The following BTAF1 variants were observed in gnomAD, a reference collection of about 807,000 sequenced individuals.
The protein encoded by BTAF1 is B-TFIID TATA-box binding protein associated factor 1, also known as TATA-binding protein-associated factor 172.
A neutral mutation model predicts 227.1 loss-of-function variants in BTAF1; 38 were observed. The ratio of observed to expected loss-of-function variants is 0.17; its 90% confidence interval spans 0.13 to 0.22. The LOEUF (loss-of-function observed/expected upper bound fraction) is 0.22, where lower values mean the gene tolerates loss of function less well. Ranked by LOEUF, BTAF1 falls within the 10% of genes least tolerant of loss-of-function variation. The pLI is 1.00. For missense variants in BTAF1, 1,598 were observed against 2,204.0 expected (o/e 0.73, Z 5.51); for synonymous variants, 742 against 751.9 (o/e 0.99, Z 0.21).
intron 11 of BTAF1, among the ~76,000 whole-genome samples, chr10:91,961,529 A>G (rs1345566109): frequency 6.6e-6 from 1 of 150,976 alleles, no homozygotes; most frequent in Non-Finnish European, 1.5e-5. Context: ...TCTCTGTCCA[A>G]CTCTTTTCTC....
intron 25 of BTAF1, among the ~76,000 whole-genome samples, chr10:92,004,880 C>T (rs1234861696): frequency 1.3e-5 from 2 of 152,052 alleles, no homozygotes; most frequent in Non-Finnish European, 2.9e-5. Flanking sequence ...TTATAGTTTC[C>T]AGTCTTACAT....
At chr10:91,948,699 TAAA>T (rs11331302) in intron 4 of BTAF1, among the ~76,000 whole-genome samples, 2 of 142,864 alleles carry the variant, frequency 1.4e-5, no homozygotes, top group Non-Finnish European at 1.5e-5. Flanking sequence ...TCTTTTTTAT[TAAA>T]AAAAAAAAAA....
intron 1 of BTAF1, among the ~76,000 whole-genome samples, chr10:91,924,467 C>T (rs1326342077): frequency 6.6e-6 from 1 of 152,108 alleles, no homozygotes; most frequent in Non-Finnish European, 1.5e-5. Flanking sequence ...TAGTTACTGT[C>T]GATGGAGGGG....
intron 13 of BTAF1, 114 bp from the exon 14 acceptor site, chr10:91,966,523 A>G: frequency 9.5e-7 from 1 of 1,057,206 alleles, no homozygotes. Flanking sequence ...GAATTTATTC[A>G]TCAAAAAAGT....
intron 25 of BTAF1, among the ~76,000 whole-genome samples, chr10:91,999,077 AAAAT>A (rs1230097994): frequency 1.3e-5 from 2 of 151,770 alleles, no homozygotes; most frequent in African/African-American, 4.8e-5. Flanking sequence ...AAAAAAAAAA[AAAAT>A]TAAGTTATTA....
chr10:92,025,422 C>T (rs1356997253), intron 35 of BTAF1, among the ~76,000 whole-genome samples: 2 of 151,308 alleles, frequency 1.3e-5, no homozygotes, highest in African/African-American at 4.9e-5. Flanking sequence ...CTTTTAAAAT[C>T]TCAGTGGTTG....
At chr10:91,943,122 T>C (rs537879307) in intron 4 of BTAF1, among the ~76,000 whole-genome samples, 355 of 152,288 alleles carry the variant, frequency 2.3e-3, no homozygotes, top group Non-Finnish European at 4.3e-3. Flanking sequence ...GAGAGCAGCC[T>C]AACCAACATG....
intron 15 of BTAF1, among the ~76,000 whole-genome samples, 191 bp downstream of exon 15, chr10:91,980,749 T>C (rs901933601): frequency 6.6e-6 from 1 of 152,200 alleles, no homozygotes; most frequent in African/African-American, 2.4e-5. Flanking sequence ...TTGGCCATGC[T>C]TCTTCCTCTT....
At position 91,923,856 on chromosome 10, in the gene BTAF1, C is replaced by G. The variant is rs573835625; in HGVS notation, c.-221C>G. On this transcript the variant is annotated 5_prime_UTR_variant, in exon 1 of 38. Transcript: ENST00000265990. ...CGTGCGGGTCGGAGGACTGCCGCCTCCGCTACCGTCTTGGACCCCTGCTTA... is the reference window on the plus strand; with the variant it reads ...CGTGCGGGTCGGAGGACTGCCGCCTGCGCTACCGTCTTGGACCCCTGCTTA... The G allele has an allele frequency of 2.1e-6, 1 of 467,126 alleles. No homozygotes were observed. The highest frequency in any genetic ancestry group is 3.6e-5 in the East Asian group (1 of 27,954). The allele number at this position is 467,126 out of a possible 1,614,324, so 28.9% of individuals were successfully genotyped here. A position where few individuals can be genotyped will look rare whatever the true frequency, so the allele number is the denominator to read the frequency against.
At chr10:91,963,041 CCT>C (rs1479494301) in intron 12 of BTAF1, among the ~76,000 whole-genome samples, 1 of 151,832 alleles carries the variant, frequency 6.6e-6, no homozygotes, top group East Asian at 1.9e-4. Context: ...CTCCTCTCCT[CCT>C]CTCATTATTA....
rs777534625 is a variant in BTAF1, at chr10:91,994,584, G to A, written c.3249G>A (p.Val1083=). ...GAGATAGCCCTGCTCAAGAATTGGT[G>A]AATTCTCTGCAGGTTTTTGAAACAG... ...DKGDSPAQEL[V]NSLQVFETAA... is the part of the protein sequence containing the mutation. The change falls in exon 23 of 38, where the codon GTG becomes GTA. Residue 1083 remains valine, a synonymous_variant. Coordinates refer to ENST00000265990, the MANE Select transcript of BTAF1 (RefSeq NM_003972.3). 1.2e-6 allele frequency: 2 copies of A among 1,614,044 alleles called. No homozygotes were observed. The highest frequency in any genetic ancestry group is 1.7e-6 in the Non-Finnish European group (2 of 1,179,946).
chr10:92,001,668 A>T (rs942955514), intron 25 of BTAF1, among the ~76,000 whole-genome samples: 12 of 152,124 alleles, frequency 7.9e-5, no homozygotes, highest in Non-Finnish European at 7.4e-5. Context: ...GAATAATTTA[A>T]AAAAAATACA....
chr10:91,955,893 G>T (rs1158896141), intron 6 of BTAF1, among the ~76,000 whole-genome samples: 1 of 152,110 alleles, frequency 6.6e-6, no homozygotes, highest in Admixed American at 6.5e-5. Context: ...GGAGAGAGGG[G>T]AGAAGTATTT....
At chr10:91,958,335 T>C (rs947825235) in intron 8 of BTAF1, among the ~76,000 whole-genome samples, 2 of 152,088 alleles carry the variant, frequency 1.3e-5, no homozygotes, top group Non-Finnish European at 2.9e-5. Context: ...GGATTACAAG[T>C]GTGAGCCACC....
At chr10:92,012,103 TCC>T (rs1850349884) in intron 30 of BTAF1, among the ~76,000 whole-genome samples, 1 of 21,096 alleles carries the variant, frequency 4.7e-5, no homozygotes, top group Non-Finnish European at 8.9e-5. Context: ...CCCCTCCCCC[TCC>T]CTCCCCTCCT....
At chr10:91,995,264 G>T (rs1185071795) in intron 23 of BTAF1, among the ~76,000 whole-genome samples, 1 of 152,006 alleles carries the variant, frequency 6.6e-6, no homozygotes, top group Admixed American at 6.6e-5. Flanking sequence ...GTTCTCTATT[G>T]TTATTTAACA....
chr10:91,950,941 C>T (rs764619117), intron 4 of BTAF1, among the ~76,000 whole-genome samples: 4 of 150,720 alleles, frequency 2.7e-5, no homozygotes, highest in Non-Finnish European at 5.9e-5. Flanking sequence ...GCAAGCCTCT[C>T]GCCTTCAGCC....
At chr10:91,974,178 G>C (rs1847523187) in intron 14 of BTAF1, among the ~76,000 whole-genome samples, 1 of 152,194 alleles carries the variant, frequency 6.6e-6, no homozygotes, top group South Asian at 2.1e-4. Flanking sequence ...TTCAAGGTCA[G>C]ACTTGGCTAT....
chr10:91,926,955 T>C (rs770875800), intron 1 of BTAF1, among the ~76,000 whole-genome samples: 1 of 152,168 alleles, frequency 6.6e-6, no homozygotes, highest in Non-Finnish European at 1.5e-5. Context: ...GTGATCTGGT[T>C]CCTGTGTCAT....
Sources: gnomAD v4.1 joint callset for allele counts (sites outside exome capture counted in the v4.1 genomes callset) on GRCh38, gnomAD v4.1.1 for gene constraint, MANE v1.5 for transcripts, NCBI Gene and HGNC (gene_info 2026-07-23, HGNC 2026-07-21) for gene names.